The following CCDC85A variants were observed in gnomAD, a reference collection of about 807,000 sequenced individuals.
CCDC85A encodes the protein coiled-coil domain-containing protein 85A.
Under a neutral mutation model 50.2 loss-of-function variants are expected in CCDC85A, and 38 were observed. The ratio of observed to expected loss-of-function variants is 0.76; its 90% CI spans 0.58 to 0.99. The LOEUF (loss-of-function observed/expected upper bound fraction) is 0.99. Ranked by LOEUF, CCDC85A falls within the 50% of genes least tolerant of loss-of-function variation. The probability of loss-of-function intolerance (pLI) is 0.00; values close to 1 mark genes in which losing one functional copy is unlikely to be tolerated. For synonymous variants in CCDC85A, 366 were observed against 301.4 expected (o/e 1.21, Z -2.22); for missense variants, 820 against 742.0 (o/e 1.11, Z -1.22).
chr2:56,269,171 G>A (rs1573138888), intron 2 of CCDC85A, among the ~76,000 whole-genome samples: 1 of 152,158 alleles, frequency 6.6e-6, no homozygotes, highest in East Asian at 1.9e-4. Flanking sequence ...AATTGGGACA[G>A]TAAATGGTAG....
intron 2 of CCDC85A, among the ~76,000 whole-genome samples, chr2:56,324,624 T>C (rs1254487279): frequency 6.6e-6 from 1 of 152,142 alleles, no homozygotes; most frequent in Non-Finnish European, 1.5e-5. Flanking sequence ...ATAATTTTAA[T>C]GTGTTCTAAA....
intron 2 of CCDC85A, among the ~76,000 whole-genome samples, chr2:56,327,803 G>A (rs1225298160): frequency 8.3e-5 from 10 of 120,138 alleles, no homozygotes; most frequent in Middle Eastern, 0.012. Flanking sequence ...GAAATATTCA[G>A]TAATTACTGG....
At chr2:56,266,468 A>G (rs1670445070) in intron 2 of CCDC85A, among the ~76,000 whole-genome samples, 1 of 151,836 alleles carries the variant, frequency 6.6e-6, no homozygotes, top group South Asian at 2.1e-4. Context: ...TAAGTATCAG[A>G]GGTGATTGAT....
intron 2 of CCDC85A, among the ~76,000 whole-genome samples, chr2:56,243,260 A>G (rs142006292): frequency 5.3e-5 from 8 of 152,200 alleles, no homozygotes; most frequent in African/African-American, 1.4e-4. Flanking sequence ...TTTAAAGCCA[A>G]TAACTCTTAG....
At chr2:56,233,984 G>A (rs1668889347) in intron 2 of CCDC85A, among the ~76,000 whole-genome samples, 1 of 152,178 alleles carries the variant, frequency 6.6e-6, no homozygotes, top group African/African-American at 2.4e-5. Flanking sequence ...TGTTTCTCAA[G>A]CATAATTTTC....
intron 3 of CCDC85A, among the ~76,000 whole-genome samples, chr2:56,349,770 A>T (rs1164841523): frequency 6.6e-6 from 1 of 152,072 alleles, no homozygotes; most frequent in Admixed American, 6.5e-5. Context: ...TTCATATTTA[A>T]TAGTGTTGCC....
intron 2 of CCDC85A, among the ~76,000 whole-genome samples, chr2:56,328,659 C>T (rs1008484190): frequency 6.6e-6 from 1 of 152,180 alleles, no homozygotes; most frequent in African/African-American, 2.4e-5. Context: ...GCTCCTTCTC[C>T]AAGCCATTGC....
chr2:56,370,303 G>A lies in CCDC85A; in HGVS notation c.1318-2041G>A, dbSNP rs536902328. Among the ~76,000 whole-genome samples, 11 of 152,106 alleles carry A rather than the reference G, an allele frequency of 7.2e-5. No homozygotes were observed. The South Asian group carries it at 1.0e-3, about 14-fold the overall frequency. On this transcript the variant is annotated intron_variant, in intron 3 of 5. Coordinates refer to ENST00000407595, the MANE Select transcript of CCDC85A (RefSeq NM_001080433.2). ...TGTAATTGGTGATTGTAGGCCCTGC[G>A]AAACACTAAGCCTTCATTAGTGTAT...
chr2:56,355,539 T>A (rs1675180876), intron 3 of CCDC85A, among the ~76,000 whole-genome samples: 1 of 152,048 alleles, frequency 6.6e-6, no homozygotes, highest in Admixed American at 6.6e-5. Flanking sequence ...TCTTTCAGAA[T>A]TTTTTTTCTC....
chr2:56,257,849 G>A (rs779832194), intron 2 of CCDC85A, among the ~76,000 whole-genome samples: 25 of 152,168 alleles, frequency 1.6e-4, no homozygotes, highest in Non-Finnish European at 3.1e-4. Context: ...TATAAAAGAT[G>A]TTGTAGATGC....
chr2:56,222,995 T>TCCAAATAACTA (rs563068325), intron 2 of CCDC85A, among the ~76,000 whole-genome samples: 60 of 152,146 alleles, frequency 3.9e-4, no homozygotes, highest in Non-Finnish European at 7.2e-4. Flanking sequence ...TCATGTTGAT[T>TCCAAATAACTA]CCAAATAACT....
chr2:56,349,692 T>A (rs1573314897), intron 3 of CCDC85A, among the ~76,000 whole-genome samples: 1 of 152,208 alleles, frequency 6.6e-6, no homozygotes, highest in South Asian at 2.1e-4. Context: ...ATGGCCACGC[T>A]GCTGATTAAA....
chr2:56,218,508 A>G (rs1476881172), intron 2 of CCDC85A, among the ~76,000 whole-genome samples: 1 of 151,924 alleles, frequency 6.6e-6, no homozygotes, highest in Non-Finnish European at 1.5e-5. Context: ...TTATAAACCA[A>G]AGTAAAATGA....
rs1304134970 is a variant in CCDC85A, at chr2:56,349,551, A to G, written c.1317+6596A>G. On this transcript the variant is annotated intron_variant, in intron 3 of 5. Coordinates refer to ENST00000407595, the MANE Select transcript of CCDC85A (RefSeq NM_001080433.2). ...GTAAGGCAACATGGAGGCCCTCAAA[A>G]TGAGGGGATTCATAACATTCTTCAG... Among the ~76,000 whole-genome samples, 3 of 152,270 alleles carry G rather than the reference A, an allele frequency of 2.0e-5. No individual in the cohort carries two copies. In the East Asian group the frequency reaches 5.8e-4, roughly 29 times the overall value.
intron 2 of CCDC85A, among the ~76,000 whole-genome samples, chr2:56,306,337 A>G (rs573127583): frequency 1.6e-4 from 25 of 152,226 alleles, no homozygotes; most frequent in African/African-American, 6.0e-4. Flanking sequence ...CATGTTGGCC[A>G]GGCTGGTCTT....
At chr2:56,376,039 T>G in intron 5 of CCDC85A, 104 bp downstream of exon 5, 1 of 1,256,196 alleles carries the variant, frequency 8.0e-7, no homozygotes, top group East Asian at 2.8e-5. Flanking sequence ...ATAGATATTT[T>G]ATTTTTTGAC....
intron 2 of CCDC85A, among the ~76,000 whole-genome samples, chr2:56,339,886 A>G (rs1329973655): frequency 2.0e-5 from 3 of 152,314 alleles, no homozygotes; most frequent in East Asian, 1.9e-4. Context: ...TTTGCTATTC[A>G]TTTATGCTGC....
At chr2:56,362,750 C>T (rs998758550) in intron 3 of CCDC85A, among the ~76,000 whole-genome samples, 4 of 152,108 alleles carry the variant, frequency 2.6e-5, no homozygotes, top group Non-Finnish European at 5.9e-5. Flanking sequence ...TCCTGAGTAG[C>T]TGGGATTACA....
intron 2 of CCDC85A, among the ~76,000 whole-genome samples, chr2:56,325,207 G>T (rs1471431113): frequency 6.6e-6 from 1 of 151,984 alleles, no homozygotes; most frequent in Non-Finnish European, 1.5e-5. Flanking sequence ...TTTATGGCCA[G>T]CATGAATTTA....
Sources: gnomAD v4.1 joint callset for allele counts (sites outside exome capture counted in the v4.1 genomes callset) on GRCh38, gnomAD v4.1.1 for gene constraint, MANE v1.5 for transcripts, NCBI Gene and HGNC (gene_info 2026-07-23, HGNC 2026-07-21) for gene names.